The following C2orf15 variants were observed in gnomAD, a reference collection of about 807,000 sequenced individuals.
C2orf15 encodes the protein chromosome 2 open reading frame 15, also known as uncharacterized protein C2orf15.
In C2orf15, 3 loss-of-function variants were observed where a neutral mutation model predicts 4.4. The observed-to-expected ratio is 0.67, with a 90% CI of 0.31 to 1.74. The LOEUF (loss-of-function observed/expected upper bound fraction) is 1.74. Among genes scored for constraint, C2orf15 ranks in the 40% most tolerant of loss-of-function variants. The pLI is 0.09. For synonymous variants in C2orf15, 37 were observed against 36.8 expected, an observed-to-expected ratio of 1.00 and a Z score of -0.02; for missense variants, 90 against 103.3, an observed-to-expected ratio of 0.87 and a Z score of 0.56.
chr2:99,142,117 G>A (rs2093571784), intron 1 of C2orf15, 168 bp from the exon 2 acceptor site: 1 of 152,244 alleles, frequency 6.6e-6, no homozygotes, highest in Non-Finnish European at 1.5e-5. Flanking sequence ...TGACAAATGA[G>A]CTTTTTAGTG....
At chr2:99,149,717 C>T (rs1164491275) in intron 3 of C2orf15, among the ~76,000 whole-genome samples, 2 of 150,504 alleles carry the variant, frequency 1.3e-5, no homozygotes, top group Non-Finnish European at 3.0e-5. Context: ...GCTGGGATTA[C>T]AGGTGTGAGC....
At chr2:99,149,185 A>G (rs1183594023) in intron 3 of C2orf15, among the ~76,000 whole-genome samples, 1 of 150,220 alleles carries the variant, frequency 6.7e-6, no homozygotes, top group African/African-American at 2.4e-5. Flanking sequence ...AAAAAAAAAA[A>G]TGGGTGAGGG....
rs1290527185 is a variant in C2orf15 at position 99,151,366 on chromosome 2, G to A, written c.*532G>A. 6.6e-6 allele frequency: 1 copy of A among 151,608 alleles called. No individual in the cohort carries two copies. Among genetic ancestry groups the A allele is most frequent in the Non-Finnish European group, 1.5e-5 (1 of 68,242 alleles). 9.4% of individuals were successfully genotyped at this position (151,608 alleles called of 1,614,324 possible). ...TGATCCCAGCTACCTGGGAGGCTGAGGAAGGAGAATCGCTTGAACCCTGGA... is the reference window on the plus strand; with the variant it reads ...TGATCCCAGCTACCTGGGAGGCTGAAGAAGGAGAATCGCTTGAACCCTGGA... On this transcript the variant is annotated 3_prime_UTR_variant, in exon 4 of 4. Coordinates refer to ENST00000650052, the MANE Select transcript of C2orf15 (RefSeq NM_144706.4).
intron 2 of C2orf15, among the ~76,000 whole-genome samples, chr2:99,144,112 G>A (rs377078591): frequency 2.6e-4 from 40 of 152,062 alleles, no homozygotes; most frequent in African/African-American, 9.2e-4. Context: ...GCTCTGCCTC[G>A]CGGCTTCACG....
intron 2 of C2orf15, among the ~76,000 whole-genome samples, chr2:99,144,906 G>A (rs1412716708): frequency 3.9e-5 from 6 of 152,172 alleles, no homozygotes; most frequent in East Asian, 1.9e-4. Flanking sequence ...TAGGTCTGGG[G>A]TCGAATAAGG....
intron 1 of C2orf15, 110 bp downstream of exon 1, chr2:99,142,047 T>C (rs1458724612): frequency 6.6e-6 from 1 of 152,284 alleles, no homozygotes; most frequent in African/African-American, 2.4e-5. Flanking sequence ...AAAGTCCAGA[T>C]TCCTGACCGA....
intron 3 of C2orf15, among the ~76,000 whole-genome samples, chr2:99,149,785 CTTTTTT>C (rs70940143): frequency 2.7e-5 from 3 of 112,456 alleles, no homozygotes; most frequent in Non-Finnish European, 1.7e-5. Context: ...TCACAAGTAT[CTTTTTT>C]TTTTTTTTTT....
rs1446637551 is a variant in C2orf15 at position 99,141,940 on chromosome 2, G to A, written c.-286+3G>A. ...AGGGAGCGAGCCGGCCTGTCCCGGTGAGCGTGGGCAGCCTGGAGTCAGGGG... is the reference window on the plus strand; with the variant it reads ...AGGGAGCGAGCCGGCCTGTCCCGGTAAGCGTGGGCAGCCTGGAGTCAGGGG... On this transcript the variant is annotated splice_donor_region_variant and intron_variant, in intron 1 of 3. Transcript: ENST00000650052. 6.6e-6 allele frequency: 1 copy of A among 152,450 alleles called. No homozygotes were observed. Among genetic ancestry groups the A allele is most frequent in the Non-Finnish European group, 1.5e-5 (1 of 68,216 alleles). The allele number at this position is 152,450 out of a possible 1,614,324, so 9.4% of individuals were successfully genotyped here.
At chr2:99,148,991 AT>A (rs1159933119) in intron 3 of C2orf15, among the ~76,000 whole-genome samples, 4 of 151,976 alleles carry the variant, frequency 2.6e-5, no homozygotes, top group Non-Finnish European at 5.9e-5. Flanking sequence ...TGGAAAAAAA[AT>A]AAATAAAAAT....
At chr2:99,150,453 T>C (rs1463982521) in intron 3 of C2orf15, 30 bp from the exon 4 acceptor site, 1 of 1,284,410 alleles carries the variant, frequency 7.8e-7, no homozygotes, top group Non-Finnish European at 1.1e-6. Context: ...TCCTGCTGCA[T>C]TCACTTGTTA....
At chr2:99,144,298 G>T (rs1292502857) in intron 2 of C2orf15, among the ~76,000 whole-genome samples, 1 of 152,022 alleles carries the variant, frequency 6.6e-6, no homozygotes, top group Non-Finnish European at 1.5e-5. Context: ...TGGGATTACA[G>T]GCATGAGCCA....
At chr2:99,144,672 G>C (rs199626200) in intron 2 of C2orf15, among the ~76,000 whole-genome samples, 2 of 59,916 alleles carry the variant, frequency 3.3e-5, no homozygotes, top group Non-Finnish European at 8.3e-5. Flanking sequence ...AAAAAAAAAA[G>C]ATGCTGAAAG....
At chr2:99,144,187 A>C (rs1247929375) in intron 2 of C2orf15, among the ~76,000 whole-genome samples, 2 of 151,400 alleles carry the variant, frequency 1.3e-5, no homozygotes, top group Admixed American at 1.3e-4. Flanking sequence ...CGCCCGGCTA[A>C]TTTTTTTGTA....
chr2:99,148,038 T>C (rs1231527574), intron 3 of C2orf15, among the ~76,000 whole-genome samples: 1 of 152,204 alleles, frequency 6.6e-6, no homozygotes, highest in East Asian at 1.9e-4. Flanking sequence ...CCCTTCCCAA[T>C]TCAAGAGCAT....
At chr2:99,143,535 A>C (rs1025132967) in intron 2 of C2orf15, among the ~76,000 whole-genome samples, 2 of 150,244 alleles carry the variant, frequency 1.3e-5, no homozygotes, top group Non-Finnish European at 1.5e-5. Flanking sequence ...CGTTGGCATG[A>C]TCTCAGCTCA....
intron 3 of C2orf15, among the ~76,000 whole-genome samples, chr2:99,149,265 CTTCTCCAGTAAGCCCTGG>C (rs1297535549): frequency 3.3e-5 from 5 of 151,814 alleles, no homozygotes; most frequent in Admixed American, 1.3e-4. Context: ...GTAGATCACT[CTTCTCCAGTAAGCCCTGG>C]GCTTTCTCAA....
At chr2:99,142,625 T>C (rs1331491812) in intron 2 of C2orf15, among the ~76,000 whole-genome samples, 1 of 152,250 alleles carries the variant, frequency 6.6e-6, no homozygotes, top group Non-Finnish European at 1.5e-5. Context: ...GTCCCTGTTA[T>C]TTTAGATTAA....
At position 99,150,869 on chromosome 2, in the gene C2orf15, C is replaced by T. The variant is rs779926644; in HGVS notation, c.*35C>T. ...TACGTATTACCAAAGAAACCAAAAA[C>T]TGCCTTTGACTAAGGGGGGTGTTGA... On this transcript the variant is annotated 3_prime_UTR_variant, in exon 4 of 4. Coordinates refer to ENST00000650052, the MANE Select transcript of C2orf15 (RefSeq NM_144706.4). 2 of 1,386,566 alleles carry T rather than the reference C, an allele frequency of 1.4e-6. No homozygotes were observed. The highest frequency in any genetic ancestry group is 2.3e-5 in the East Asian group (1 of 43,618). The allele number at this position is 1,386,566 out of a possible 1,614,324, so 85.9% of individuals were successfully genotyped here.
In C2orf15 at chr2:99,151,062, G is replaced by GT; in HGVS notation, c.*229dup. On this transcript the variant is annotated 3_prime_UTR_variant, in exon 4 of 4. Transcript: ENST00000650052. ...CCAAGATTCAAAGCAGATTTCTCTG[G>GT]TATTATATTATATCCTTCTTAAAAA... The GT allele has an allele frequency of 2.3e-5, 9 of 392,526 alleles. No homozygotes were observed. In the South Asian group the frequency reaches 5.9e-4, roughly 26 times the overall value. 24.3% of individuals were successfully genotyped at this position (392,526 alleles called of 1,614,324 possible). A position where few individuals can be genotyped will look rare whatever the true frequency, so the allele number is the denominator to read the frequency against.
Sources: allele counts gnomAD v4.1 joint callset (sites outside exome capture counted in the v4.1 genomes callset), GRCh38; gene constraint gnomAD v4.1.1; transcripts MANE v1.5; gene names NCBI Gene and HGNC (gene_info 2026-07-23, HGNC 2026-07-21).